COL13A1: variants seen among roughly 807,000 people sequenced by gnomAD.
The protein encoded by COL13A1 is collagen alpha-1(XIII) chain.
Under a neutral mutation model 130.9 loss-of-function variants are expected in COL13A1, and 89 were observed. That is an observed-to-expected ratio of 0.68 (90% CI 0.57 to 0.81). COL13A1 has a LOEUF of 0.81. COL13A1 is among the 30% of genes least tolerant of loss of function. The pLI, the probability that COL13A1 is intolerant of heterozygous loss-of-function variation, is 0.00. For missense variants in COL13A1, 879 were observed against 934.6 expected (o/e 0.94, Z 0.78); for synonymous variants, 402 against 341.6 (o/e 1.18, Z -1.95).
intron 2 of COL13A1, among the ~76,000 whole-genome samples, chr10:69,846,791 G>A (rs1328922003): frequency 6.6e-6 from 1 of 152,232 alleles, no homozygotes; most frequent in Non-Finnish European, 1.5e-5. Flanking sequence ...GGCAGAGGAA[G>A]TTTCCCTGGA....
chr10:69,909,040 T>G (rs557208842), intron 17 of COL13A1, among the ~76,000 whole-genome samples: 1 of 152,280 alleles, frequency 6.6e-6, no homozygotes, highest in East Asian at 1.9e-4. Context: ...CTGTATCAGC[T>G]GGGACACTGA....
chr10:69,851,328 G>A (rs1431019033), intron 2 of COL13A1, among the ~76,000 whole-genome samples: 1 of 152,226 alleles, frequency 6.6e-6, no homozygotes, highest in East Asian at 1.9e-4. Context: ...TTTTGCCAAA[G>A]TCTGGACACC....
chr10:69,849,787 A>G (rs1252767427), intron 2 of COL13A1, among the ~76,000 whole-genome samples: 2 of 152,296 alleles, frequency 1.3e-5, no homozygotes, highest in East Asian at 3.9e-4. Context: ...AAATGTCCCC[A>G]GCCACTTTCC....
chr10:69,845,065 G>C (rs1564826658), intron 2 of COL13A1, among the ~76,000 whole-genome samples: 2 of 152,140 alleles, frequency 1.3e-5, no homozygotes, highest in African/African-American at 4.8e-5. Flanking sequence ...ATCCTATAGA[G>C]ACAAACAAAA....
At chr10:69,836,075 C>A (rs1235811770) in intron 2 of COL13A1, among the ~76,000 whole-genome samples, 2 of 152,186 alleles carry the variant, frequency 1.3e-5, no homozygotes, top group African/African-American at 4.8e-5. Context: ...TCAGAAGCTC[C>A]CCCTGCCAAC....
In COL13A1 at chr10:69,872,201, C is replaced by T. The variant is rs529978009; in HGVS notation, c.390C>T (p.Pro130=). ...CATTTCAGGGTCCCACTGGAAGACC[C>T]GGACTCCCAGTAAGTCACTTTTGTT... is the stretch of plus-strand genomic sequence containing the variant. ...PPGPPGPTGR[P]GLPGDKGAIG... is the part of the protein sequence containing the mutation. The change falls in exon 4 of 41, where the codon CCC becomes CCT. Residue 130 remains proline, a synonymous_variant. Transcript: ENST00000645393. 531 of 1,614,046 alleles carry T rather than the reference C, an allele frequency of 3.3e-4. 8 individuals are homozygous for T. The South Asian group carries it at 5.2e-3, about 16-fold the overall frequency.
intron 2 of COL13A1, among the ~76,000 whole-genome samples, chr10:69,861,748 C>CTCAA (rs1255738501): frequency 6.6e-6 from 1 of 152,160 alleles, no homozygotes; most frequent in Non-Finnish European, 1.5e-5. Context: ...ATTGTGAAAC[C>CTCAA]TTGTCTAGGC....
At chr10:69,896,338 G>A (rs2061637018) in intron 13 of COL13A1, among the ~76,000 whole-genome samples, 1 of 152,150 alleles carries the variant, frequency 6.6e-6, no homozygotes, top group Admixed American at 6.5e-5. Context: ...GGACAGGGGA[G>A]AGCAAGATAC....
At chr10:69,919,640 G>A in intron 20 of COL13A1, 25 bp from the exon 21 acceptor site, 1 of 398,812 alleles carries the variant, frequency 2.5e-6, no homozygotes, top group Non-Finnish European at 4.4e-6. Context: ...CTTCTTATCA[G>A]TGACTTTCTC....
intron 14 of COL13A1, among the ~76,000 whole-genome samples, chr10:69,901,911 C>T (rs2062223063): frequency 6.6e-6 from 1 of 152,188 alleles, no homozygotes; most frequent in South Asian, 2.1e-4. Flanking sequence ...AACAGCCTCC[C>T]CACGCAGCAT....
intron 7 of COL13A1, among the ~76,000 whole-genome samples, chr10:69,884,134 A>G (rs574124994): frequency 6.6e-6 from 1 of 152,332 alleles, no homozygotes; most frequent in Middle Eastern, 3.4e-3. Context: ...GAGATGCCGT[A>G]AAGTCCAATG....
intron 21 of COL13A1, among the ~76,000 whole-genome samples, chr10:69,920,221 C>A (rs910558961): frequency 6.6e-6 from 1 of 152,206 alleles, no homozygotes; most frequent in Non-Finnish European, 1.5e-5. Flanking sequence ...TGGTGTGGCA[C>A]CTTCTGTGGC....
At position 69,891,531 on chromosome 10, in the gene COL13A1, C is replaced by A. The variant is rs534307737; in HGVS notation, c.603+2091C>A. The stretch of plus-strand genomic sequence containing the variant: ...TCCAGGTTCCCCAGCAAGGTTTCCT[C>A]TCCATCACAGCTGCCTCCGCTGCAA... On this transcript the variant is annotated intron_variant, in intron 10 of 40. Transcript: ENST00000645393. Among the ~76,000 whole-genome samples, 157 of 152,332 alleles carry A rather than the reference C, an allele frequency of 1.0e-3. 1 individual carries two copies. The highest frequency in any genetic ancestry group is 1.9e-3 in the Non-Finnish European group (131 of 68,034).
At chr10:69,863,883 C>A (rs925143629) in intron 2 of COL13A1, among the ~76,000 whole-genome samples, 2 of 152,128 alleles carry the variant, frequency 1.3e-5, no homozygotes, top group African/African-American at 4.8e-5. Flanking sequence ...TTGAGACCAG[C>A]CTGGGCAACA....
intron 35 of COL13A1, 115 bp downstream of exon 35, chr10:69,941,138 C>A (rs958652460): frequency 2.0e-6 from 3 of 1,533,902 alleles, no homozygotes; most frequent in Admixed American, 1.7e-5. Flanking sequence ...CCTGGTCCCA[C>A]CTCCGACACC....
At chr10:69,840,756 GC>G (rs2133226944) in intron 2 of COL13A1, among the ~76,000 whole-genome samples, 1 of 152,240 alleles carries the variant, frequency 6.6e-6, no homozygotes, top group South Asian at 2.1e-4. Context: ...GCCCTCAAAG[GC>G]CCCTGAGAGG....
At chr10:69,896,500 G>A (rs1470139267) in intron 13 of COL13A1, among the ~76,000 whole-genome samples, 2 of 152,106 alleles carry the variant, frequency 1.3e-5, no homozygotes, top group Non-Finnish European at 2.9e-5. Flanking sequence ...TGTGCCCCAT[G>A]GTGCTCAGCT....
chr10:69,855,906 C>G (rs138817650), intron 2 of COL13A1, among the ~76,000 whole-genome samples: 223 of 144,822 alleles, frequency 1.5e-3, no homozygotes, highest in Middle Eastern at 3.6e-3. Context: ...TGACATTGCT[C>G]CTTCACAGAT....
At chr10:69,867,850 T>C in intron 3 of COL13A1, 45 bp downstream of exon 3, 1 of 718,224 alleles carries the variant, frequency 1.4e-6, no homozygotes, top group Non-Finnish European at 2.6e-6. Flanking sequence ...AAGGCCTGTG[T>C]CACCTGCTGG....
Sources: allele counts gnomAD v4.1 joint callset (sites outside exome capture counted in the v4.1 genomes callset), GRCh38; gene constraint gnomAD v4.1.1; transcripts MANE v1.5; gene names NCBI Gene and HGNC (gene_info 2026-07-23, HGNC 2026-07-21).